Variants in SIPA1L1 observed in about 807,000 individuals in gnomAD.
The protein encoded by SIPA1L1 is signal-induced proliferation-associated 1-like protein 1.
A neutral mutation model predicts 162.7 loss-of-function variants in SIPA1L1; 26 were observed. The observed-to-expected ratio is 0.16, with a 90% CI of 0.12 to 0.22. The LOEUF is 0.22. Ranked by LOEUF, SIPA1L1 falls within the 10% of genes least tolerant of loss-of-function variation. The pLI, the probability that SIPA1L1 is intolerant of heterozygous loss-of-function variation, is 1.00. For synonymous variants in SIPA1L1, 829 were observed against 837.4 expected, an observed-to-expected ratio of 0.99 and a Z score of 0.17; for missense variants, 1,874 against 2,241.0, an observed-to-expected ratio of 0.84 and a Z score of 3.31.
intron 3 of SIPA1L1, among the ~76,000 whole-genome samples, chr14:71,525,603 C>T (rs2052787004): frequency 1.3e-5 from 2 of 152,156 alleles, no homozygotes; most frequent in African/African-American, 4.8e-5. Flanking sequence ...AACATGTCAG[C>T]TTTGAAAGTC....
intron 3 of SIPA1L1, among the ~76,000 whole-genome samples, chr14:71,521,627 C>T (rs1365646159): frequency 1.3e-5 from 2 of 152,180 alleles, no homozygotes; most frequent in African/African-American, 4.8e-5. Context: ...TGTGCTGAAC[C>T]CCATTAGTGT....
intron 5 of SIPA1L1, among the ~76,000 whole-genome samples, chr14:71,599,983 G>T (rs903822572): frequency 5.3e-5 from 8 of 151,860 alleles, no homozygotes; most frequent in Non-Finnish European, 1.5e-5. Flanking sequence ...TTGTTTTACT[G>T]TTGAGTTCCT....
At chr14:71,472,140 G>T (rs534829307) in intron 2 of SIPA1L1, among the ~76,000 whole-genome samples, 1 of 152,276 alleles carries the variant, frequency 6.6e-6, no homozygotes, top group Non-Finnish European at 1.5e-5. Flanking sequence ...ACTGCTTTGG[G>T]TCAGGCAGCC....
chr14:71,321,246 C>G (rs914077592), intron 2 of SIPA1L1, 65 bp downstream of exon 2: 1 of 152,252 alleles, frequency 6.6e-6, no homozygotes, highest in African/African-American at 2.4e-5. Flanking sequence ...CAGCCCCCTG[C>G]CCTGTTTCTG....
chr14:71,657,345 CAAAAAA>C (rs561713864), intron 8 of SIPA1L1, among the ~76,000 whole-genome samples: 30 of 88,212 alleles, frequency 3.4e-4, no homozygotes, highest in Non-Finnish European at 4.8e-5. Context: ...GAGACTGTCT[CAAAAAA>C]AAAAAAAAAA....
chr14:71,473,875 C>G (rs143687124), intron 2 of SIPA1L1, among the ~76,000 whole-genome samples: 12 of 152,204 alleles, frequency 7.9e-5, no homozygotes, highest in Non-Finnish European at 1.3e-4. Context: ...TTAAGCTGTT[C>G]TAAGAAATAA....
At chr14:71,594,607 T>C (rs1165148627) in intron 5 of SIPA1L1, among the ~76,000 whole-genome samples, 1 of 152,244 alleles carries the variant, frequency 6.6e-6, no homozygotes, top group East Asian at 1.9e-4. Context: ...TCTGTTCTGC[T>C]GAACCATGTT....
At chr14:71,737,327 C>T (rs1399294085) in intron 22 of SIPA1L1, among the ~76,000 whole-genome samples, 1 of 152,158 alleles carries the variant, frequency 6.6e-6, no homozygotes, top group African/African-American at 2.4e-5. Context: ...AGTCACTTAG[C>T]TCTTTCCCAT....
At chr14:71,729,485 T>A (rs1259558644) in intron 19 of SIPA1L1, among the ~76,000 whole-genome samples, 1 of 152,240 alleles carries the variant, frequency 6.6e-6, no homozygotes, top group Non-Finnish European at 1.5e-5. Flanking sequence ...AATATTTTGA[T>A]GATCAAATAC....
chr14:71,544,114 CACATATATGCACGTGTATGTATAT>C lies in SIPA1L1; in HGVS notation c.-303+14761_-303+14784del, dbSNP rs1168039780. 7.0e-5 allele frequency among the ~76,000 whole-genome samples: 10 copies of C among 142,426 alleles called. 1 individual carries two copies. In the East Asian group the frequency reaches 7.8e-4, roughly 11 times the overall value. The allele number at this position is 142,426 out of a possible 152,430, so 93.4% of individuals were successfully genotyped here. A position where few individuals can be genotyped will look rare whatever the true frequency, so the allele number is the denominator to read the frequency against. ...ATACACACGCACATGTATGTATATACACATATATGCACGTGTATGTATATACATATATGCACGTGTGTGTATATG... is the reference window on the plus strand; with the variant it reads ...ATACACACGCACATGTATGTATATACACATATATGCACGTGTGTGTATATG... On this transcript the variant is annotated intron_variant, in intron 4 of 23. Coordinates refer to ENST00000381232, the MANE Select transcript of SIPA1L1 (RefSeq NM_001386936.1).
At chr14:71,321,748 C>T (rs1260531684) in intron 2 of SIPA1L1, 1 of 152,260 alleles carries the variant, frequency 6.6e-6, no homozygotes, top group African/African-American at 2.4e-5. Flanking sequence ...ACTTTTCCTC[C>T]TTCGCCCCAT....
intron 7 of SIPA1L1, among the ~76,000 whole-genome samples, chr14:71,624,798 C>T (rs1229804726): frequency 6.6e-6 from 1 of 152,130 alleles, no homozygotes; most frequent in African/African-American, 2.4e-5. Flanking sequence ...AAGTCTGTGC[C>T]ACTTCACCGC....
intron 2 of SIPA1L1, among the ~76,000 whole-genome samples, chr14:71,419,678 T>C (rs2043049263): frequency 4.6e-5 from 7 of 151,664 alleles, no homozygotes; most frequent in Admixed American, 4.6e-4. Flanking sequence ...TTTGTATTTT[T>C]AGTAGAGACG....
At chr14:71,717,375 T>G (rs2083353723) in intron 17 of SIPA1L1, among the ~76,000 whole-genome samples, 1 of 152,234 alleles carries the variant, frequency 6.6e-6, no homozygotes, top group South Asian at 2.1e-4. Flanking sequence ...ACAACTTGAG[T>G]AAATTTCTAG....
At chr14:71,600,609 TG>T (rs2036619444) in intron 5 of SIPA1L1, among the ~76,000 whole-genome samples, 1 of 152,192 alleles carries the variant, frequency 6.6e-6, no homozygotes, top group Admixed American at 6.5e-5. Context: ...AATTTTAGGA[TG>T]TTTTTTCTAT....
At chr14:71,683,430 T>G (rs370073122) in intron 12 of SIPA1L1, among the ~76,000 whole-genome samples, 15 of 152,198 alleles carry the variant, frequency 9.9e-5, no homozygotes, top group African/African-American at 3.4e-4. Flanking sequence ...ATAAGTGAAA[T>G]TTTTCCATGC....
chr14:71,391,498 T>C (rs2040755556), intron 2 of SIPA1L1, among the ~76,000 whole-genome samples: 1 of 152,238 alleles, frequency 6.6e-6, no homozygotes, highest in African/African-American at 2.4e-5. Flanking sequence ...ATACGTGATT[T>C]GAAGGACAGG....
chr14:71,731,811 T>C (rs2084812594), intron 20 of SIPA1L1, among the ~76,000 whole-genome samples: 3 of 152,202 alleles, frequency 2.0e-5, no homozygotes, highest in Non-Finnish European at 2.9e-5. Flanking sequence ...TCTGAGCCCC[T>C]TCCCTTCACT....
chr14:71,420,658 C>G (rs2043122606), intron 2 of SIPA1L1, among the ~76,000 whole-genome samples: 1 of 152,150 alleles, frequency 6.6e-6, no homozygotes, highest in African/African-American at 2.4e-5. Flanking sequence ...AGTGAGCCCC[C>G]ATATACTTAT....
Sources: gnomAD v4.1 joint callset for allele counts (sites outside exome capture counted in the v4.1 genomes callset) on GRCh38, gnomAD v4.1.1 for gene constraint, MANE v1.5 for transcripts, NCBI Gene and HGNC (gene_info 2026-07-23, HGNC 2026-07-21) for gene names.